The following LDAH variants were observed in gnomAD, a reference collection of about 807,000 sequenced individuals.
The protein encoded by LDAH is lipid droplet associated hydrolase.
A neutral mutation model predicts 29.6 loss-of-function variants in LDAH; 26 were observed. The ratio of observed to expected loss-of-function variants is 0.88; its 90% CI spans 0.64 to 1.22. LDAH has a LOEUF of 1.22. Ranked by LOEUF, LDAH falls within the 50% of genes most tolerant of loss-of-function variation. The probability of loss-of-function intolerance (pLI) is 0.00; values close to 1 mark genes in which losing one functional copy is unlikely to be tolerated. For missense variants in LDAH, 344 were observed against 387.3 expected, an observed-to-expected ratio of 0.89 and a Z score of 0.94; for synonymous variants, 117 against 133.0, an observed-to-expected ratio of 0.88 and a Z score of 0.83.
At position 20,684,911 on chromosome 2, in the gene LDAH, C is replaced by G. The variant is rs1022907694; in HGVS notation, c.*1992G>C. ...AGAATGAACTTCAGTCTCTTGAAAT[C>G]TGATTCTTCCACCTATGAAAAAAGC... On this transcript the variant is annotated 3_prime_UTR_variant, in exon 7 of 7. Transcript: ENST00000237822. 4 of 1,549,768 alleles carry G rather than the reference C, an allele frequency of 2.6e-6. No homozygotes were observed. In the African/African-American group the frequency reaches 5.5e-5, roughly 21 times the overall value.
At chr2:20,815,801 T>G (rs898123479) in intron 1 of LDAH, among the ~76,000 whole-genome samples, 2 of 152,112 alleles carry the variant, frequency 1.3e-5, no homozygotes, top group Non-Finnish European at 2.9e-5. Context: ...AAGGAAATGA[T>G]GTATCAATAA....
chr2:20,702,895 C>T (rs115481716), intron 5 of LDAH, among the ~76,000 whole-genome samples: 2,093 of 152,326 alleles, frequency 0.014, 48 homozygotes, highest in African/African-American at 0.047. Flanking sequence ...GGCAATGGCA[C>T]GATCGTGGCT....
chr2:20,719,971 A>G (rs1665529323), intron 5 of LDAH, among the ~76,000 whole-genome samples: 1 of 152,192 alleles, frequency 6.6e-6, no homozygotes, highest in African/African-American at 2.4e-5. Flanking sequence ...ACATACCTCA[A>G]TACCATAAGG....
At chr2:20,742,442 G>A (rs1667246812) in intron 4 of LDAH, among the ~76,000 whole-genome samples, 1 of 152,174 alleles carries the variant, frequency 6.6e-6, no homozygotes. Context: ...TATGCTTGTA[G>A]TTCTATCAGT....
At chr2:20,798,483 T>C (rs1671453235) in intron 2 of LDAH, among the ~76,000 whole-genome samples, 1 of 151,722 alleles carries the variant, frequency 6.6e-6, no homozygotes, top group African/African-American at 2.4e-5. Context: ...CAGAACATCA[T>C]TAACCCAGGG....
Position 20,790,347 on chromosome 2 carries a change from G to A in LDAH, c.206C>T (p.Ser69Phe). 1 of 1,614,170 alleles carries A rather than the reference G, an allele frequency of 6.2e-7. No homozygotes were observed. The highest frequency in any genetic ancestry group is 8.5e-7 in the Non-Finnish European group (1 of 1,180,008). The change falls in exon 3 of 7, where the codon TCT becomes TTT. Residue 69 changes from serine (S) to phenylalanine (F), a missense_variant. Coordinates refer to ENST00000237822, the MANE Select transcript of LDAH (RefSeq NM_021925.4). ...AACTGGAAAGCGTCTGTTTGTCAAA[G>A]AGTATAAAGCCTTTGCAAATGGCAC... ...FYVPFAKALYSLTNRRFPVWT... is the reference protein window; with the variant it reads ...FYVPFAKALYFLTNRRFPVWT...
chr2:20,766,232 A>G (rs1227063751), intron 4 of LDAH, among the ~76,000 whole-genome samples: 1 of 152,146 alleles, frequency 6.6e-6, no homozygotes, highest in Non-Finnish European at 1.5e-5. Flanking sequence ...TTTATTATAC[A>G]TTGTTTAAAA....
At chr2:20,736,647 C>T (rs1276371939) in intron 5 of LDAH, among the ~76,000 whole-genome samples, 1 of 152,066 alleles carries the variant, frequency 6.6e-6, no homozygotes, top group Non-Finnish European at 1.5e-5. Flanking sequence ...GGGAAATTGA[C>T]ATCTATAAAG....
intron 1 of LDAH, among the ~76,000 whole-genome samples, chr2:20,806,567 G>A (rs1672079457): frequency 6.6e-6 from 1 of 151,986 alleles, no homozygotes; most frequent in African/African-American, 2.4e-5. Flanking sequence ...AAACATGCTG[G>A]TGATCTGTAC....
At chr2:20,814,717 T>C (rs1672734269) in intron 1 of LDAH, among the ~76,000 whole-genome samples, 1 of 152,198 alleles carries the variant, frequency 6.6e-6, no homozygotes, top group Non-Finnish European at 1.5e-5. Context: ...ATGACAACTT[T>C]AAAAGTTTTA....
intron 5 of LDAH, among the ~76,000 whole-genome samples, chr2:20,706,548 G>A (rs968542620): frequency 6.6e-6 from 1 of 152,012 alleles, no homozygotes; most frequent in Non-Finnish European, 1.5e-5. Context: ...CTGAATTATC[G>A]ATATAGAAGC....
At chr2:20,789,744 G>A (rs887390731) in intron 3 of LDAH, among the ~76,000 whole-genome samples, 9 of 152,190 alleles carry the variant, frequency 5.9e-5, no homozygotes, top group Admixed American at 4.6e-4. Context: ...TACCGCCTGA[G>A]CTCTGCCTCC....
At chr2:20,707,466 C>G (rs1664392543) in intron 5 of LDAH, among the ~76,000 whole-genome samples, 1 of 152,160 alleles carries the variant, frequency 6.6e-6, no homozygotes, top group South Asian at 2.1e-4. Context: ...GTTAACACAC[C>G]TGATTAAAAC....
Position 20,690,343 on chromosome 2 carries a change from G to A in LDAH, c.787-3249C>T, listed in dbSNP as rs118120109. ...GAACAGTGAGGAGTCTAGACCTCCCGTATGCTTATCTGATTTTATTTCTCG... is the reference window on the plus strand; with the variant it reads ...GAACAGTGAGGAGTCTAGACCTCCCATATGCTTATCTGATTTTATTTCTCG... On this transcript the variant is annotated intron_variant, in intron 6 of 6. Transcript: ENST00000237822. 2.0e-4 allele frequency among the ~76,000 whole-genome samples: 31 copies of A among 152,296 alleles called. No homozygotes were observed. The East Asian group carries it at 5.2e-3, about 26-fold the overall frequency.
chr2:20,766,843 G>A (rs141326354), intron 4 of LDAH, among the ~76,000 whole-genome samples: 1 of 152,204 alleles, frequency 6.6e-6, no homozygotes, highest in African/African-American at 2.4e-5. Context: ...CCACGTCCTT[G>A]AGGCAGCTGA....
chr2:20,717,428 T>C (rs1010849447), intron 5 of LDAH, among the ~76,000 whole-genome samples: 1 of 152,026 alleles, frequency 6.6e-6, no homozygotes, highest in Admixed American at 6.5e-5. Flanking sequence ...AGATGGGCAA[T>C]AGACAAGAGC....
rs189915848 is a variant in LDAH at position 20,777,392 on chromosome 2, G to T, written c.299-2413C>A. Among the ~76,000 whole-genome samples, 910 of 152,224 alleles carry T rather than the reference G, an allele frequency of 6.0e-3. 13 individuals carry two copies. Among genetic ancestry groups the T allele is most frequent in the African/African-American group, 0.021 (871 of 41,540 alleles). On this transcript the variant is annotated intron_variant, in intron 3 of 6. Coordinates refer to ENST00000237822, the MANE Select transcript of LDAH (RefSeq NM_021925.4). ...TACTTTCTAAAAATGTACAATGACT[G>T]AAAATTTAAATGTGCTATCTTTTAA...
intron 4 of LDAH, among the ~76,000 whole-genome samples, chr2:20,742,412 T>C (rs913044614): frequency 6.6e-6 from 1 of 152,242 alleles, no homozygotes; most frequent in South Asian, 2.1e-4. Flanking sequence ...TCTCCAACTA[T>C]GATAGTGGAT....
At chr2:20,728,094 G>A (rs1270300186) in intron 5 of LDAH, among the ~76,000 whole-genome samples, 1 of 152,200 alleles carries the variant, frequency 6.6e-6, no homozygotes, top group Admixed American at 6.5e-5. Context: ...ACAAAAATGT[G>A]TGTATAAACT....
Sources: gnomAD v4.1 joint callset for allele counts (sites outside exome capture counted in the v4.1 genomes callset) on GRCh38, gnomAD v4.1.1 for gene constraint, MANE v1.5 for transcripts, NCBI Gene and HGNC (gene_info 2026-07-23, HGNC 2026-07-21) for gene names.